GFRA1: variants seen among roughly 807,000 people sequenced by gnomAD.
The protein encoded by GFRA1 is GDNF family receptor alpha 1, also known as GDNF family receptor alpha-1.
Under a neutral mutation model 51.6 loss-of-function variants are expected in GFRA1, and 16 were observed. The observed-to-expected ratio is 0.31, with a 90% CI of 0.21 to 0.47. GFRA1 has a LOEUF of 0.47. Among genes scored for constraint, GFRA1 ranks in the 20% least tolerant of loss-of-function variants. The probability of loss-of-function intolerance (pLI) is 1.00; values close to 1 mark genes in which losing one functional copy is unlikely to be tolerated. For missense variants in GFRA1, 530 were observed against 594.3 expected, an observed-to-expected ratio of 0.89 and a Z score of 1.13; for synonymous variants, 270 against 241.3, an observed-to-expected ratio of 1.12 and a Z score of -1.10.
intron 4 of GFRA1, among the ~76,000 whole-genome samples, chr10:116,220,099 T>C (rs556003460): frequency 2.0e-4 from 31 of 152,304 alleles, no homozygotes; most frequent in African/African-American, 7.5e-4. Context: ...CTAAATTACA[T>C]TCACAAAAAA....
chr10:116,092,430 A>G (rs2530342), intron 8 of GFRA1, among the ~76,000 whole-genome samples: 29,217 of 151,428 alleles, frequency 0.19, 4,464 homozygotes, highest in African/African-American at 0.43. Flanking sequence ...GTGCGTGTGT[A>G]TGCATAGTAA....
chr10:116,266,563 T>C lies in GFRA1; in HGVS notation c.418+2940A>G, dbSNP rs1565691155. The stretch of plus-strand genomic sequence containing the variant: ...CATTAGTGCTGGAACCTAAAGCCAA[T>C]GCCCTTGAGATAGAAAATGGGGCTC... On this transcript the variant is annotated intron_variant, in intron 4 of 10. Transcript: ENST00000355422. Among the ~76,000 whole-genome samples the C allele has an allele frequency of 1.3e-5, 2 of 152,216 alleles. 1 individual carries two copies. The highest frequency in any genetic ancestry group is 4.8e-5 in the African/African-American group (2 of 41,468).
chr10:116,178,011 C>CATTT (rs138684212), intron 5 of GFRA1, among the ~76,000 whole-genome samples: 2,175 of 152,334 alleles, frequency 0.014, 62 homozygotes, highest in African/African-American at 0.05. Context: ...CCTTCAGTTG[C>CATTT]ATTTTCAAAA....
In GFRA1 at chr10:116,072,667, A is replaced by C. The variant is rs140795676; in HGVS notation, c.1198-7041T>G. Among the ~76,000 whole-genome samples the C allele has an allele frequency of 3.9e-3, 593 of 152,296 alleles. 4 individuals are homozygous for C. The highest frequency in any genetic ancestry group is 0.014 in the African/African-American group (568 of 41,568). On this transcript the variant is annotated intron_variant, in intron 9 of 10. Coordinates refer to ENST00000355422, the MANE Select transcript of GFRA1 (RefSeq NM_005264.8). ...TCCCAGCTACTCAGGAGGCTGAGGC[A>C]GGAGAATTGCTTGAACCCGGGAGGG...
intron 8 of GFRA1, among the ~76,000 whole-genome samples, chr10:116,093,133 G>C (rs190726634): frequency 6.6e-6 from 1 of 152,122 alleles, no homozygotes; most frequent in Non-Finnish European, 1.5e-5. Context: ...CGGGCATCCC[G>C]AGCCTCCTGC....
chr10:116,258,380 A>ATGTAT (rs1555173810), intron 4 of GFRA1, among the ~76,000 whole-genome samples: 2 of 146,148 alleles, frequency 1.4e-5, no homozygotes, highest in African/African-American at 2.5e-5. Flanking sequence ...ATAATATCTA[A>ATGTAT]TATATTAATT....
At chr10:116,131,753 G>T (rs766925085) in intron 5 of GFRA1, among the ~76,000 whole-genome samples, 1 of 152,090 alleles carries the variant, frequency 6.6e-6, no homozygotes, top group Non-Finnish European at 1.5e-5. Context: ...GGGAATGGGG[G>T]TGAGGATTGG....
At chr10:116,064,901 A>C (rs1308935884) in intron 10 of GFRA1, among the ~76,000 whole-genome samples, 1 of 152,202 alleles carries the variant, frequency 6.6e-6, no homozygotes, top group African/African-American at 2.4e-5. Context: ...CGTTGGAGAC[A>C]GGCAGAGCAG....
intron 6 of GFRA1, among the ~76,000 whole-genome samples, chr10:116,109,496 T>C (rs906544790): frequency 2.0e-5 from 3 of 152,232 alleles, no homozygotes; most frequent in Admixed American, 6.5e-5. Flanking sequence ...AGGGCTCAAA[T>C]GCAGTCCTGC....
At chr10:116,258,121 T>C (rs1297417485) in intron 4 of GFRA1, among the ~76,000 whole-genome samples, 1 of 152,176 alleles carries the variant, frequency 6.6e-6, no homozygotes, top group African/African-American at 2.4e-5. Context: ...TAATTTATCT[T>C]GTTTATATCT....
intron 4 of GFRA1, among the ~76,000 whole-genome samples, chr10:116,227,132 C>A (rs933675353): frequency 2.0e-5 from 3 of 152,220 alleles, no homozygotes; most frequent in African/African-American, 7.2e-5. Context: ...AGGACAGCAG[C>A]AAGCTCTAAA....
At chr10:116,134,627 T>A (rs769411379) in intron 5 of GFRA1, among the ~76,000 whole-genome samples, 3 of 152,194 alleles carry the variant, frequency 2.0e-5, no homozygotes, top group Non-Finnish European at 4.4e-5. Context: ...ATGATGAAAT[T>A]CCTCCTAGTT....
intron 5 of GFRA1, among the ~76,000 whole-genome samples, chr10:116,137,833 G>A (rs548000389): frequency 7.2e-5 from 11 of 152,158 alleles, no homozygotes; most frequent in Non-Finnish European, 1.2e-4. Context: ...ATGGAGTCTC[G>A]CTCTGTTGCC....
At chr10:116,260,064 A>G (rs2134753533) in intron 4 of GFRA1, among the ~76,000 whole-genome samples, 1 of 152,374 alleles carries the variant, frequency 6.6e-6, no homozygotes, top group Admixed American at 6.5e-5. Flanking sequence ...GGATAGGCAG[A>G]GTTCCAAAGG....
intron 5 of GFRA1, among the ~76,000 whole-genome samples, chr10:116,184,304 C>A (rs1215355175): frequency 6.6e-6 from 1 of 152,232 alleles, no homozygotes; most frequent in Admixed American, 6.5e-5. Context: ...TATGGGCTGC[C>A]CAGGCCAGTT....
intron 8 of GFRA1, 105 bp downstream of exon 8, chr10:116,093,597 A>G: frequency 2.0e-6 from 2 of 978,890 alleles, no homozygotes; most frequent in East Asian, 4.8e-5. Flanking sequence ...CAAGAGGTAC[A>G]GGCACAAGGT....
intron 10 of GFRA1, 136 bp from the exon 11 acceptor site, chr10:116,064,680 C>T: frequency 1.3e-6 from 1 of 760,550 alleles, no homozygotes; most frequent in Non-Finnish European, 2.3e-6. Flanking sequence ...ACCACTGAGA[C>T]TTACATTCAC....
chr10:116,142,711 T>C (rs902274938), intron 5 of GFRA1, among the ~76,000 whole-genome samples: 2 of 152,186 alleles, frequency 1.3e-5, no homozygotes, highest in Non-Finnish European at 2.9e-5. Context: ...AGCAAACTAT[T>C]GATTAATAAT....
At chr10:116,073,446 G>A (rs1464099758) in intron 9 of GFRA1, among the ~76,000 whole-genome samples, 1 of 152,158 alleles carries the variant, frequency 6.6e-6, no homozygotes, top group Non-Finnish European at 1.5e-5. Flanking sequence ...AAAATATTCA[G>A]ACAAGAAGCA....
Sources: allele counts gnomAD v4.1 joint callset (sites outside exome capture counted in the v4.1 genomes callset), GRCh38; gene constraint gnomAD v4.1.1; transcripts MANE v1.5; gene names NCBI Gene and HGNC (gene_info 2026-07-23, HGNC 2026-07-21).